The following ROR2 variants were observed in gnomAD, a reference collection of about 807,000 sequenced individuals.
ROR2 encodes tyrosine-protein kinase transmembrane receptor ROR2.
A neutral mutation model predicts 74.9 loss-of-function variants in ROR2; 33 were observed. The ratio of observed to expected loss-of-function variants is 0.44; its 90% CI spans 0.33 to 0.59. The LOEUF is 0.59. Ranked by LOEUF, ROR2 falls within the 20% of genes least tolerant of loss-of-function variation. ROR2 has a pLI of 0.02. For missense variants in ROR2, 1,216 were observed against 1,313.8 expected, an observed-to-expected ratio of 0.93 and a Z score of 1.15; for synonymous variants, 586 against 558.7, an observed-to-expected ratio of 1.05 and a Z score of -0.69.
At chr9:91,804,735 G>GT (rs1827496540) in intron 1 of ROR2, among the ~76,000 whole-genome samples, 1 of 152,184 alleles carries the variant, frequency 6.6e-6, no homozygotes, top group African/African-American at 2.4e-5. Context: ...TGGATTCAGA[G>GT]TGGGGGGGTG....
At chr9:91,946,159 A>C (rs1564056229) in intron 1 of ROR2, among the ~76,000 whole-genome samples, 1 of 152,220 alleles carries the variant, frequency 6.6e-6, no homozygotes, top group African/African-American at 2.4e-5. Context: ...TTGGCCATGC[A>C]GCTGGGGTGC....
intron 1 of ROR2, among the ~76,000 whole-genome samples, chr9:91,825,052 TAAGTAAGCCA>T (rs1468119997): frequency 6.6e-6 from 1 of 152,192 alleles, no homozygotes; most frequent in Non-Finnish European, 1.5e-5. Flanking sequence ...TTTGTGGCCT[TAAGTAAGCCA>T]ATGACAAATA....
chr9:91,821,173 A>T (rs537875156), intron 1 of ROR2, among the ~76,000 whole-genome samples: 1 of 151,644 alleles, frequency 6.6e-6, no homozygotes, highest in East Asian at 1.9e-4. Context: ...GGACACAGGG[A>T]GAAGACAGCA....
intron 1 of ROR2, among the ~76,000 whole-genome samples, chr9:91,815,392 T>C: frequency 6.6e-6 from 1 of 152,154 alleles, no homozygotes; most frequent in East Asian, 1.9e-4. Context: ...ATAATAAAAG[T>C]TGTCACATGG....
chr9:91,906,480 G>A (rs1052747559), intron 1 of ROR2, among the ~76,000 whole-genome samples: 4 of 152,162 alleles, frequency 2.6e-5, no homozygotes, highest in Non-Finnish European at 2.9e-5. Context: ...GTCCACTGCA[G>A]GTAGAGTCTT....
chr9:91,819,421 C>T (rs1413917876), intron 1 of ROR2, among the ~76,000 whole-genome samples: 1 of 152,062 alleles, frequency 6.6e-6, no homozygotes, highest in African/African-American at 2.4e-5. Context: ...TTGAGTGTGT[C>T]TGTTAGTCTC....
At chr9:91,869,248 C>A (rs1175788474) in intron 1 of ROR2, among the ~76,000 whole-genome samples, 1 of 152,084 alleles carries the variant, frequency 6.6e-6, no homozygotes, top group Non-Finnish European at 1.5e-5. Context: ...GTTCTGGAAA[C>A]AGAGTCTCAA....
intron 4 of ROR2, among the ~76,000 whole-genome samples, chr9:91,749,764 A>C (rs1270240149): frequency 6.6e-6 from 1 of 152,250 alleles, no homozygotes; most frequent in Non-Finnish European, 1.5e-5. Context: ...CCAAGACTCC[A>C]GGCCATCTGT....
At chr9:91,813,973 C>T (rs1297084093) in intron 1 of ROR2, among the ~76,000 whole-genome samples, 1 of 152,242 alleles carries the variant, frequency 6.6e-6, no homozygotes, top group Non-Finnish European at 1.5e-5. Flanking sequence ...CTGAGCTGTA[C>T]TGCATTTTCC....
intron 3 of ROR2, 95 bp from the exon 4 acceptor site, chr9:91,756,196 A>G: frequency 7.8e-7 from 1 of 1,276,598 alleles, no homozygotes; most frequent in Non-Finnish European, 1.1e-6. Context: ...GGCTGAAGCC[A>G]GCGGGCTCAC....
intron 1 of ROR2, among the ~76,000 whole-genome samples, chr9:91,909,832 TTTTAGGTTTGTTTTG>T: frequency 8.1e-6 from 1 of 123,552 alleles, no homozygotes; most frequent in African/African-American, 2.8e-5. Context: ...TCTTTTTTTT[TTTTAGGTTTGTTTTG>T]TTTTTTTTTT....
At position 91,757,354 on chromosome 9, in the gene ROR2, C is replaced by G; in HGVS notation, c.381G>C (p.Thr127=). 2 of 1,613,926 alleles carry G rather than the reference C, an allele frequency of 1.2e-6. No homozygotes were observed. The highest frequency in any genetic ancestry group is 8.5e-7 in the Non-Finnish European group (1 of 1,180,012). Residue 127 remains threonine, a synonymous_variant, in exon 3 of 9, where the codon ACG becomes ACC. Transcript: ENST00000375708. ...GSRLRIQDLD[T]TDTGYYQCVA... ...CGCACTGGTAGTAGCCAGTGTCTGT[C>G]GTGTCCAGGTCCTGGATTCGCAGTC...
chr9:91,948,725 G>GT (rs1421614224), intron 1 of ROR2: 1 of 984,468 alleles, frequency 1.0e-6, no homozygotes, highest in African/African-American at 1.7e-5. Flanking sequence ...TCCTGCAGGA[G>GT]TGCAGGGATG....
Position 91,949,895 on chromosome 9 carries a change from C to A in ROR2, c.69G>T (p.Ala23=). Residue 23 remains alanine (A), a synonymous_variant, in exon 1 of 9, where the codon GCG becomes GCT. Coordinates refer to ENST00000375708, the MANE Select transcript of ROR2 (RefSeq NM_004560.4). ...LCIPAVWAAA[A]LLLSVSRTSG... ...AAGTCCGGGACACTGAGAGCAGAAGCGCGGCGGCCGCCCAGACGGCCGGGA... is the reference window on the plus strand; with the variant it reads ...AAGTCCGGGACACTGAGAGCAGAAGAGCGGCGGCCGCCCAGACGGCCGGGA... The A allele has an allele frequency of 6.5e-7, 1 of 1,540,798 alleles. No individual in the cohort carries two copies.
intron 1 of ROR2, among the ~76,000 whole-genome samples, chr9:91,936,349 G>A (rs1364784944): frequency 6.6e-6 from 1 of 152,122 alleles, no homozygotes; most frequent in Non-Finnish European, 1.5e-5. Flanking sequence ...GAGGGTCCTC[G>A]GCTGTCCATA....
At chr9:91,771,619 T>G (rs1029906386) in intron 2 of ROR2, among the ~76,000 whole-genome samples, 6 of 152,168 alleles carry the variant, frequency 3.9e-5, no homozygotes, top group African/African-American at 1.4e-4. Flanking sequence ...GAAGGCAAAC[T>G]TTTCATCTGT....
At chr9:91,940,218 A>G (rs1313394332) in intron 1 of ROR2, among the ~76,000 whole-genome samples, 3 of 152,218 alleles carry the variant, frequency 2.0e-5, no homozygotes, top group African/African-American at 7.2e-5. Context: ...CTCCTTGTTG[A>G]TAACAGTATT....
intron 1 of ROR2, among the ~76,000 whole-genome samples, chr9:91,788,463 C>G (rs1354565186): frequency 1.3e-5 from 2 of 151,860 alleles, no homozygotes; most frequent in Admixed American, 1.3e-4. Context: ...CGGTTTATCT[C>G]ATAAAAGGGA....
intron 1 of ROR2, among the ~76,000 whole-genome samples, chr9:91,777,914 G>A (rs1191157271): frequency 6.6e-6 from 1 of 152,194 alleles, no homozygotes; most frequent in Non-Finnish European, 1.5e-5. Context: ...TAGTAAACAA[G>A]GCCATTAATT....
Sources: allele counts gnomAD v4.1 joint callset (sites outside exome capture counted in the v4.1 genomes callset), GRCh38; gene constraint gnomAD v4.1.1; transcripts MANE v1.5; gene names NCBI Gene and HGNC (gene_info 2026-07-23, HGNC 2026-07-21).